PDK4: variants seen among roughly 807,000 people sequenced by gnomAD.
The protein encoded by PDK4 is pyruvate dehydrogenase kinase, isozyme 4.
In PDK4, 43 loss-of-function variants were observed where a neutral mutation model predicts 51.7. The observed-to-expected ratio is 0.83, with a 90% CI of 0.65 to 1.07. The LOEUF is 1.07. PDK4 is among the 50% of genes least tolerant of loss of function. The probability of loss-of-function intolerance (pLI) is 0.00; values close to 1 mark genes in which losing one functional copy is unlikely to be tolerated. For missense variants in PDK4, 498 were observed against 503.5 expected, an observed-to-expected ratio of 0.99 and a Z score of 0.10; for synonymous variants, 170 against 176.6, an observed-to-expected ratio of 0.96 and a Z score of 0.30.
In PDK4 at chr7:95,585,884, A is replaced by C. The variant is rs559794860; in HGVS notation, c.1096-103T>G. ...AATACATTCAGAGGTAAGTATCCAA[A>C]CATTCAAATACATTCATTTAATTGA... On this transcript the variant is annotated intron_variant, in intron 10 of 10. Transcript: ENST00000005178. 1.9e-5 allele frequency: 17 copies of C among 889,182 alleles called. No individual in the cohort carries two copies. The South Asian group carries it at 3.0e-4, about 16-fold the overall frequency. 55.1% of individuals were successfully genotyped at this position (889,182 alleles called of 1,614,324 possible). A position where few individuals can be genotyped will look rare whatever the true frequency, so the allele number is the denominator to read the frequency against.
Position 95,587,770 on chromosome 7 carries a change from A to G in PDK4, c.827T>C (p.Ile276Thr), listed in dbSNP as rs755394834. 1 of 1,613,318 alleles carries G rather than the reference A, an allele frequency of 6.2e-7. No homozygotes were observed. Among genetic ancestry groups the G allele is most frequent in the South Asian group, 1.1e-5 (1 of 91,062 alleles). Reference protein sequence around the residue: ...HQENQPSLTPIEVIVVLGKED... With the variant: ...HQENQPSLTPTEVIVVLGKED... ...TTTTCCCAAGACAACAATAACCTCTATTGGTGTAAGGGAAGGCTGATTTTC... is the reference window on the plus strand; with the variant it reads ...TTTTCCCAAGACAACAATAACCTCTGTTGGTGTAAGGGAAGGCTGATTTTC... Residue 276 changes from isoleucine to threonine, a missense_variant, in exon 8 of 11, where the codon ATA becomes ACA. Physicochemically the swap from Ile to Thr is moderately conservative, Grantham distance 89. Coordinates refer to ENST00000005178, the MANE Select transcript of PDK4 (RefSeq NM_002612.4).
chr7:95,590,989 G>A (rs2116715819), intron 6 of PDK4, among the ~76,000 whole-genome samples: 1 of 152,276 alleles, frequency 6.6e-6, no homozygotes, highest in East Asian at 1.9e-4. Context: ...TTGGGCTGGA[G>A]TGCAGTGGGA....
chr7:95,594,720 T>C (rs1393882058), intron 2 of PDK4: 1 of 179,364 alleles, frequency 5.6e-6, no homozygotes, highest in Admixed American at 6.2e-5. Context: ...AACTCTTTTA[T>C]TATTGAAAGT....
chr7:95,593,685 T>A lies in PDK4; in HGVS notation c.344+14A>T. 7.9e-7 allele frequency: 1 copy of A among 1,261,662 alleles called. No individual in the cohort carries two copies. The highest frequency in any genetic ancestry group is 1.2e-6 in the Non-Finnish European group (1 of 863,900). The allele number at this position is 1,261,662 out of a possible 1,614,324, so 78.2% of individuals were successfully genotyped here. A position where few individuals can be genotyped will look rare whatever the true frequency, so the allele number is the denominator to read the frequency against. ...CCAAAGTTTTAAACACTTATTCTAA[T>A]GCATAGAGCTTACTCTGATAATGCT... On this transcript the variant is annotated intron_variant, in intron 3 of 10. Coordinates refer to ENST00000005178, the MANE Select transcript of PDK4 (RefSeq NM_002612.4).
At chr7:95,596,090 C>G in intron 1 of PDK4, 74 bp downstream of exon 1, 1 of 1,460,510 alleles carries the variant, frequency 6.8e-7, no homozygotes, top group Non-Finnish European at 9.2e-7. Context: ...GCCTAGCCCT[C>G]CCTCTACCAA....
chr7:95,585,753 A>G lies in PDK4; in HGVS notation c.1124T>C (p.Leu375Pro), dbSNP rs781041340. The G allele has an allele frequency of 1.9e-6, 3 of 1,600,008 alleles. No homozygotes were observed. The highest frequency in any genetic ancestry group is 2.6e-6 in the Non-Finnish European group (3 of 1,169,086). The change falls in exon 11 of 11, where the codon CTT (leucine) becomes CCT (proline). Residue 375 changes from leucine (L) to proline (P), a missense_variant. Physicochemically the swap from Leu to Pro is moderately conservative, Grantham distance 98 (BLOSUM62 -3). Coordinates refer to ENST00000005178, the MANE Select transcript of PDK4 (RefSeq NM_002612.4). ...GAAGGCTGACTTGTTAAAAACTGGA[A>G]GTTTTTCTATAGACTCAGAAGACAA... ...KALSSESIEK[L>P]PVFNKSAFKH... is the part of the protein sequence containing the mutation.
At chr7:95,592,125 A>G in intron 5 of PDK4, 60 bp from the exon 6 acceptor site, 10 of 890,910 alleles carry the variant, frequency 1.1e-5, no homozygotes, top group Non-Finnish European at 1.8e-5. Flanking sequence ...ACAGTTCTCA[A>G]ATAATCTTCA....
Position 95,587,754 on chromosome 7 carries a change from GACA to G in PDK4, c.840_842del (p.Val281del). ...TAATGGTAAGGTCTTCTTTTCCCAAGACAACAATAACCTCTATTGGTGTAAGGG... is the reference window on the plus strand; with the variant it reads ...TAATGGTAAGGTCTTCTTTTCCCAAGACAATAACCTCTATTGGTGTAAGGG... On this transcript the variant is annotated inframe_deletion, in exon 8 of 11. Transcript: ENST00000005178. The G allele has an allele frequency of 1.9e-6, 3 of 1,611,960 alleles. No homozygotes were observed. Among genetic ancestry groups the G allele is most frequent in the Non-Finnish European group, 2.5e-6 (3 of 1,178,088 alleles).
In PDK4 at chr7:95,592,756, T is replaced by C. The variant is rs763450682; in HGVS notation, c.529+4A>G. 5.6e-6 allele frequency: 9 copies of C among 1,606,330 alleles called. No homozygotes were observed. Among genetic ancestry groups the C allele is most frequent in the Non-Finnish European group, 6.8e-6 (8 of 1,174,520 alleles). ...TATACCATGATCATGATGAGCTAAC[T>C]TACTGTGCTGGTTCATCAGCATCCG... On this transcript the variant is annotated splice_donor_region_variant and intron_variant, in intron 4 of 10. Coordinates refer to ENST00000005178, the MANE Select transcript of PDK4 (RefSeq NM_002612.4).
At position 95,592,574 on chromosome 7, in the gene PDK4, T is replaced by C. The variant is rs1317416805; in HGVS notation, c.553A>G (p.Thr185Ala). The change falls in exon 5 of 11, where the codon ACA becomes GCA. Residue 185 changes from threonine to alanine, a missense_variant. Thr to Ala is a moderately conservative substitution (Grantham distance 58). Coordinates refer to ENST00000005178, the MANE Select transcript of PDK4 (RefSeq NM_002612.4). ...QHILIFSDSQ[T>A]GNPSHIGSID... ...CTTCCAATGTGGCTTGGGTTTCCTG[T>C]CTGTGAGTCACTAAATATAAGAACT... is the stretch of plus-strand genomic sequence containing the variant. The C allele has an allele frequency of 6.2e-6, 10 of 1,608,752 alleles. No individual in the cohort carries two copies. The Admixed American group carries it at 1.7e-4, about 27-fold the overall frequency.
intron 2 of PDK4, 71 bp from the exon 3 acceptor site, chr7:95,593,841 C>T (rs1791582580): frequency 1.6e-6 from 1 of 610,760 alleles, no homozygotes; most frequent in Non-Finnish European, 2.9e-6. Flanking sequence ...AATAGAATAG[C>T]TTTTTCAAAT....
rs945795695 is a variant in PDK4, at chr7:95,596,458, G to T, written c.-165C>A. The T allele has an allele frequency of 4.6e-6, 3 of 647,206 alleles. No homozygotes were observed. The highest frequency in any genetic ancestry group is 7.1e-6 in the Non-Finnish European group (3 of 422,602). 40.1% of individuals were successfully genotyped at this position (647,206 alleles called of 1,614,324 possible). A position where few individuals can be genotyped will look rare whatever the true frequency, so the allele number is the denominator to read the frequency against. On this transcript the variant is annotated 5_prime_UTR_variant, in exon 1 of 11. Coordinates refer to ENST00000005178, the MANE Select transcript of PDK4 (RefSeq NM_002612.4). ...TGGGCTGGGGTTTGAGGGTGCCGCG[G>T]AGTGAAGAGTCTGGGCAGAGTCGGA...
Position 95,594,870 on chromosome 7 carries a change from C to G in PDK4, c.272+153G>C, listed in dbSNP as rs983415106. Reference sequence around the variant, plus strand: ...AGTTTTATAACTTCTCTAATGATAACTTACCCTAAATTAATTTTAAAATTC... The same window carrying G: ...AGTTTTATAACTTCTCTAATGATAAGTTACCCTAAATTAATTTTAAAATTC... On this transcript the variant is annotated intron_variant, in intron 2 of 10. Transcript: ENST00000005178. 6 of 447,174 alleles carry G rather than the reference C, an allele frequency of 1.3e-5. No homozygotes were observed. In the South Asian group the frequency reaches 2.3e-4, roughly 17 times the overall value. 27.7% of individuals were successfully genotyped at this position (447,174 alleles called of 1,614,324 possible).
intron 1 of PDK4, 69 bp from the exon 2 acceptor site, chr7:95,595,233 A>T: frequency 9.8e-7 from 1 of 1,015,632 alleles, no homozygotes; most frequent in Non-Finnish European, 1.5e-6. Flanking sequence ...AATAGCATTA[A>T]CTATCAAATA....
chr7:95,594,197 T>A (rs1358642699), intron 2 of PDK4, among the ~76,000 whole-genome samples: 1 of 152,204 alleles, frequency 6.6e-6, no homozygotes. Context: ...GTCTTATAGG[T>A]ATATAATACA....
intron 1 of PDK4, among the ~76,000 whole-genome samples, chr7:95,595,937 A>G (rs1791613307): frequency 6.6e-6 from 1 of 152,058 alleles, no homozygotes; most frequent in African/African-American, 2.4e-5. Context: ...AAGTCAAACC[A>G]TCCAGCGTCG....
In PDK4 at chr7:95,584,132, ATT is replaced by A. The variant is rs1791448987; in HGVS notation, c.*1507_*1508del. On this transcript the variant is annotated 3_prime_UTR_variant, in exon 11 of 11. Coordinates refer to ENST00000005178, the MANE Select transcript of PDK4 (RefSeq NM_002612.4). ...TTTCTATATGCCAGTTTAAATGTTAATTGACACGGGTAAGTTTATTATCTCAA... is the reference window on the plus strand; with the variant it reads ...TTTCTATATGCCAGTTTAAATGTTAAGACACGGGTAAGTTTATTATCTCAA... The A allele has an allele frequency of 6.6e-6, 1 of 152,210 alleles. No homozygotes were observed. The highest frequency in any genetic ancestry group is 2.1e-4 in the South Asian group (1 of 4,826). 9.4% of individuals were successfully genotyped at this position (152,210 alleles called of 1,614,324 possible).
In PDK4 at chr7:95,592,675, C is replaced by T. The variant is rs992867159; in HGVS notation, c.530-78G>A. On this transcript the variant is annotated intron_variant, in intron 4 of 10. Coordinates refer to ENST00000005178, the MANE Select transcript of PDK4 (RefSeq NM_002612.4). Reference sequence around the variant, plus strand: ...TAGTACTATCACTGAGAATGTGACCCGCTGATTAGTGAGACATCTAGTTAT... The same window carrying T: ...TAGTACTATCACTGAGAATGTGACCTGCTGATTAGTGAGACATCTAGTTAT... 36 of 1,371,466 alleles carry T rather than the reference C, an allele frequency of 2.6e-5. 1 individual carries two copies. Among genetic ancestry groups the T allele is most frequent in the Admixed American group, 1.7e-4 (10 of 59,370 alleles). 85.0% of individuals were successfully genotyped at this position (1,371,466 alleles called of 1,614,324 possible).
intron 3 of PDK4, 94 bp from the exon 4 acceptor site, chr7:95,593,038 G>T: frequency 2.8e-6 from 2 of 703,312 alleles, no homozygotes; most frequent in Non-Finnish European, 4.6e-6. Context: ...AGTTTTTTTT[G>T]CATTACCCAT....
Sources: gnomAD v4.1 joint callset for allele counts (sites outside exome capture counted in the v4.1 genomes callset) on GRCh38, gnomAD v4.1.1 for gene constraint, MANE v1.5 for transcripts, NCBI Gene and HGNC (gene_info 2026-07-23, HGNC 2026-07-21) for gene names.